The following MMD2 variants were observed in gnomAD, a reference collection of about 807,000 sequenced individuals.
MMD2 encodes the protein monocyte to macrophage differentiation associated 2.
In MMD2, 30 loss-of-function variants were observed where a neutral mutation model predicts 33.5. The observed-to-expected ratio is 0.90, with a 90% CI of 0.67 to 1.22. The LOEUF is 1.22. Ranked by LOEUF, MMD2 falls within the 50% of genes most tolerant of loss-of-function variation. The pLI is 0.00. For synonymous variants in MMD2, 129 were observed against 123.0 expected, an observed-to-expected ratio of 1.05 and a Z score of -0.32; for missense variants, 364 against 325.4, an observed-to-expected ratio of 1.12 and a Z score of -0.91.
intron 3 of MMD2, 68 bp from the exon 4 acceptor site, chr7:4,916,147 C>G: frequency 2.7e-6 from 4 of 1,483,558 alleles, no homozygotes; most frequent in Middle Eastern, 4.1e-4. Flanking sequence ...CCCCCAGAGC[C>G]GTGCCCTGGA....
chr7:4,927,922 C>T (rs995952838), intron 1 of MMD2, among the ~76,000 whole-genome samples: 6 of 152,194 alleles, frequency 3.9e-5, no homozygotes, highest in Admixed American at 6.6e-5. Context: ...TGGTTGACTC[C>T]GACGTCTGGT....
rs1019465498 is a variant in MMD2, at chr7:4,906,228, T to G, written c.*1168A>C. The G allele has an allele frequency of 2.8e-6, 1 of 356,536 alleles. No individual in the cohort carries two copies. The highest frequency in any genetic ancestry group is 5.0e-6 in the Non-Finnish European group (1 of 199,398). The allele number at this position is 356,536 out of a possible 1,614,324, so 22.1% of individuals were successfully genotyped here. On this transcript the variant is annotated 3_prime_UTR_variant, in exon 7 of 7. Coordinates refer to ENST00000401401, the MANE Select transcript of MMD2 (RefSeq NM_198403.4). Reference sequence around the variant, plus strand: ...CTGGGCCTGCTACTCACCTCCCCAGTAAATGTCCAGGCAGCATTGGACAGA... The same window carrying G: ...CTGGGCCTGCTACTCACCTCCCCAGGAAATGTCCAGGCAGCATTGGACAGA...
At chr7:4,925,578 T>G in intron 1 of MMD2, 46 bp from the exon 2 acceptor site, 1 of 1,454,352 alleles carries the variant, frequency 6.9e-7, no homozygotes, top group African/African-American at 1.4e-5. Context: ...GGGCAAGAGG[T>G]GCCATCCGAA....
At chr7:4,919,618 G>C (rs1785223055) in intron 3 of MMD2, among the ~76,000 whole-genome samples, 1 of 151,988 alleles carries the variant, frequency 6.6e-6, no homozygotes, top group South Asian at 2.1e-4. Context: ...AGGCACAGTG[G>C]CTCACACCTG....
chr7:4,936,171 A>C (rs1307193912), intron 1 of MMD2, among the ~76,000 whole-genome samples: 1 of 149,838 alleles, frequency 6.7e-6, no homozygotes, highest in Non-Finnish European at 1.5e-5. Flanking sequence ...GGTGACGAGA[A>C]TGAAACTCTG....
chr7:4,913,233 G>A (rs1313519902), intron 4 of MMD2, among the ~76,000 whole-genome samples: 1 of 152,114 alleles, frequency 6.6e-6, no homozygotes, highest in Admixed American at 6.6e-5. Flanking sequence ...GGGATGAAGG[G>A]AAAGGAGAAA....
At chr7:4,895,278 G>A in the MMD2 span, among the ~76,000 whole-genome samples, 4 of 152,104 alleles carry the variant, frequency 2.6e-5, no homozygotes. Flanking sequence ...GTTTTGCCAT[G>A]TTGGCGATGC....
intron 6 of MMD2, chr7:4,909,620 A>T: frequency 6.5e-6 from 4 of 618,726 alleles, no homozygotes; most frequent in Admixed American, 5.3e-5. Context: ...TTTTTTTTTT[A>T]GAGATGGGTC....
chr7:4,936,118 G>A (rs1247964255), intron 1 of MMD2, among the ~76,000 whole-genome samples: 1 of 150,334 alleles, frequency 6.7e-6, no homozygotes, highest in African/African-American at 2.5e-5. Flanking sequence ...CCGGGAGGCA[G>A]AGGTTCCTAT....
the MMD2 span, among the ~76,000 whole-genome samples, chr7:4,896,708 G>C: frequency 6.6e-6 from 1 of 152,078 alleles, no homozygotes; most frequent in African/African-American, 2.4e-5. Context: ...GATAATTTAT[G>C]ATATGCAGTA....
At chr7:4,924,815 G>C (rs1239043805) in intron 2 of MMD2, among the ~76,000 whole-genome samples, 1 of 152,186 alleles carries the variant, frequency 6.6e-6, no homozygotes, top group Non-Finnish European at 1.5e-5. Flanking sequence ...AGGGATTCAA[G>C]TGTTTGAGCC....
chr7:4,947,251 T>G (rs1480851421), intron 1 of MMD2, among the ~76,000 whole-genome samples: 1 of 152,050 alleles, frequency 6.6e-6, no homozygotes, highest in Admixed American at 6.6e-5. Context: ...AGTTGGTTCA[T>G]GATTCTGCAG....
chr7:4,892,616 A>C, the MMD2 span, among the ~76,000 whole-genome samples: 3 of 150,200 alleles, frequency 2.0e-5, no homozygotes, highest in South Asian at 2.1e-4. Flanking sequence ...ATAAATAAAT[A>C]AATCTGAAAA....
chr7:4,918,931 G>A (rs1785207612), intron 3 of MMD2, among the ~76,000 whole-genome samples: 1 of 150,962 alleles, frequency 6.6e-6, no homozygotes, highest in Admixed American at 6.6e-5. Context: ...AACCCCATCT[G>A]TACAAGAAAT....
the MMD2 span, among the ~76,000 whole-genome samples, chr7:4,896,665 A>G: frequency 6.6e-6 from 1 of 152,176 alleles, no homozygotes; most frequent in Non-Finnish European, 1.5e-5. Flanking sequence ...CACAAAAGAC[A>G]TAGATGACTA....
At chr7:4,900,714 C>T in the MMD2 span, among the ~76,000 whole-genome samples, 1 of 152,128 alleles carries the variant, frequency 6.6e-6, no homozygotes, top group African/African-American at 2.4e-5. Context: ...GCAGCATCCC[C>T]CCCACAACCC....
intron 1 of MMD2, among the ~76,000 whole-genome samples, chr7:4,936,324 C>G (rs1199442491): frequency 1.3e-5 from 2 of 151,640 alleles, no homozygotes; most frequent in Non-Finnish European, 2.9e-5. Context: ...CACACACACA[C>G]CCCAACATTT....
At chr7:4,938,009 T>TC (rs1785795558) in intron 1 of MMD2, among the ~76,000 whole-genome samples, 4 of 123,402 alleles carry the variant, frequency 3.2e-5, no homozygotes, top group South Asian at 3.0e-4. Flanking sequence ...TTTCTTTTTT[T>TC]TTTTTTTTTT....
At chr7:4,919,507 A>G (rs1193364416) in intron 3 of MMD2, among the ~76,000 whole-genome samples, 1 of 151,784 alleles carries the variant, frequency 6.6e-6, no homozygotes, top group African/African-American at 2.4e-5. Context: ...GGTGGAGGCT[A>G]CAGTGAGCTG....
Sources: allele counts gnomAD v4.1 joint callset (sites outside exome capture counted in the v4.1 genomes callset), GRCh38; gene constraint gnomAD v4.1.1; transcripts MANE v1.5; gene names NCBI Gene and HGNC (gene_info 2026-07-23, HGNC 2026-07-21).